ZNF385C: variants seen among roughly 807,000 people sequenced by gnomAD.
The protein encoded by ZNF385C is zinc finger protein 385C, also known as CTD-2132N18.2.
A neutral mutation model predicts 35.4 loss-of-function variants in ZNF385C; 28 were observed. The ratio of observed to expected loss-of-function variants is 0.79; its 90% CI spans 0.59 to 1.08. ZNF385C has a LOEUF of 1.08. Ranked by LOEUF, ZNF385C falls within the 50% of genes least tolerant of loss-of-function variation. ZNF385C has a pLI of 0.00. For synonymous variants in ZNF385C, 248 were observed against 248.2 expected (o/e 1.00, Z 0.01); for missense variants, 605 against 595.6 (o/e 1.02, Z -0.16).
intron 1 of ZNF385C, among the ~76,000 whole-genome samples, chr17:42,073,662 A>C (rs1379026035): frequency 2.0e-5 from 3 of 152,204 alleles, no homozygotes; most frequent in Admixed American, 2.0e-4. Flanking sequence ...ACACAGGGGC[A>C]TGGAGCCAAC....
chr17:42,064,605 G>A (rs570661013), intron 1 of ZNF385C, among the ~76,000 whole-genome samples: 1 of 152,252 alleles, frequency 6.6e-6, no homozygotes, highest in African/African-American at 2.4e-5. Flanking sequence ...TGTCACCCAG[G>A]CTGTAGTGCA....
intron 1 of ZNF385C, among the ~76,000 whole-genome samples, chr17:42,076,962 A>G (rs1249586304): frequency 1.3e-5 from 2 of 151,836 alleles, no homozygotes; most frequent in Non-Finnish European, 2.9e-5. Context: ...TGCCCTCCCC[A>G]CTCCAGAAAA....
intron 3 of ZNF385C, among the ~76,000 whole-genome samples, chr17:42,035,542 CTTTTTTTTTTTTTT>C: frequency 1.9e-5 from 2 of 105,590 alleles, no homozygotes; most frequent in South Asian, 6.2e-4. Flanking sequence ...TGCTGACGAC[CTTTTTTTTTTTTTT>C]TTTTTTTTTT....
Position 42,031,632 on chromosome 17 carries a change from C to G in ZNF385C, c.663G>C (p.Glu221Asp). Reference protein sequence around the residue: ...IPTLASGAPGEPQSKVPAAPP... With the variant: ...IPTLASGAPGDPQSKVPAAPP... Reference sequence around the variant, plus strand: ...CTCAGGACTGACCTTTACTCTGTGGCTCTCCAGGGGCTCCACTGGCCAGCG... The same window carrying G: ...CTCAGGACTGACCTTTACTCTGTGGGTCTCCAGGGGCTCCACTGGCCAGCG... Residue 221 changes from glutamate to aspartate, a missense_variant, in exon 5 of 9, where the codon GAG becomes GAC. Coordinates refer to ENST00000692273, the MANE Select transcript of ZNF385C (RefSeq NM_001392013.1). 1 of 1,550,556 alleles carries G rather than the reference C, an allele frequency of 6.4e-7. No homozygotes were observed. The highest frequency in any genetic ancestry group is 1.2e-5 in the South Asian group (1 of 84,054).
chr17:42,040,867 C>G, intron 2 of ZNF385C: 3 of 1,232,302 alleles, frequency 2.4e-6, no homozygotes, highest in Non-Finnish European at 3.0e-6. Context: ...CAGCAGTGGG[C>G]AAGTGGCCCG....
intron 8 of ZNF385C, 101 bp from the exon 9 acceptor site, chr17:42,027,234 C>T (rs2052605213): frequency 4.5e-6 from 5 of 1,111,584 alleles, no homozygotes; most frequent in Non-Finnish European, 6.7e-6. Flanking sequence ...GAAAGCGTGC[C>T]TTTTAGAGTT....
chr17:42,094,735 G>A (rs1401899463), intron 1 of ZNF385C, among the ~76,000 whole-genome samples: 4 of 152,306 alleles, frequency 2.6e-5, no homozygotes, highest in East Asian at 1.9e-4. Context: ...TGGGAGACGT[G>A]GGGGGAGCCA....
At chr17:42,084,222 A>C (rs1555659966) in intron 1 of ZNF385C, among the ~76,000 whole-genome samples, 1 of 151,526 alleles carries the variant, frequency 6.6e-6, no homozygotes, top group African/African-American at 2.4e-5. Context: ...AGATGCCTGT[A>C]GTCCAACCTA....
intron 1 of ZNF385C, among the ~76,000 whole-genome samples, chr17:42,093,958 C>T (rs1007421844): frequency 7.3e-5 from 11 of 150,420 alleles, no homozygotes; most frequent in East Asian, 2.0e-4. Flanking sequence ...CAGAAGTGAT[C>T]GTGGCCCCCT....
At chr17:42,082,657 G>A (rs940915796) in intron 1 of ZNF385C, among the ~76,000 whole-genome samples, 2 of 152,284 alleles carry the variant, frequency 1.3e-5, no homozygotes, top group Admixed American at 6.5e-5. Flanking sequence ...GTATCAGCCA[G>A]TGTGGCTGTT....
intron 1 of ZNF385C, among the ~76,000 whole-genome samples, chr17:42,072,555 C>T (rs1360851451): frequency 4.6e-5 from 7 of 152,118 alleles, no homozygotes; most frequent in African/African-American, 1.7e-4. Flanking sequence ...CCGGCGCCCG[C>T]GCCTACCTGG....
intron 1 of ZNF385C, among the ~76,000 whole-genome samples, chr17:42,092,679 T>C (rs1026622489): frequency 6.6e-6 from 1 of 152,118 alleles, no homozygotes; most frequent in Non-Finnish European, 1.5e-5. Context: ...GTGTCCCTCT[T>C]TAGGAACCCC....
chr17:42,047,383 C>A (rs749459744), intron 2 of ZNF385C, among the ~76,000 whole-genome samples: 2 of 152,012 alleles, frequency 1.3e-5, no homozygotes. Context: ...CCGTGTTGAC[C>A]AGGCTGATCT....
At chr17:42,041,076 G>T in intron 2 of ZNF385C, 1 of 1,232,390 alleles carries the variant, frequency 8.1e-7, no homozygotes, top group Non-Finnish European at 1.0e-6. Context: ...TGGCAAACAG[G>T]GCCAGGCTGT....
chr17:42,027,871 TG>T, intron 7 of ZNF385C, 143 bp from the exon 8 acceptor site: 1 of 1,202,636 alleles, frequency 8.3e-7, no homozygotes. Flanking sequence ...GGGTAGGCCC[TG>T]GGAAGGGGAG....
At chr17:42,035,541 CCTTTTTTT>C (rs2052834666) in intron 3 of ZNF385C, among the ~76,000 whole-genome samples, 1 of 145,062 alleles carries the variant, frequency 6.9e-6, no homozygotes, top group African/African-American at 2.6e-5. Flanking sequence ...CTGCTGACGA[CCTTTTTTT>C]TTTTTTTTTT....
Position 42,090,436 on chromosome 17 carries a change from G to A in ZNF385C, c.-3+7974C>T, listed in dbSNP as rs1022251841. ...CGAGTAGCTGGGATTACAGGCTTGC[G>A]CCATCACGCACTAATTTTTGTATTT... On this transcript the variant is annotated intron_variant, in intron 1 of 8. Coordinates refer to ENST00000692273, the MANE Select transcript of ZNF385C (RefSeq NM_001392013.1). Among the ~76,000 whole-genome samples the A allele has an allele frequency of 3.3e-5, 5 of 151,538 alleles. No individual in the cohort carries two copies. In the East Asian group the frequency reaches 7.8e-4, roughly 24 times the overall value.
intron 2 of ZNF385C, chr17:42,039,078 C>T: frequency 6.6e-6 from 1 of 152,270 alleles, no homozygotes; most frequent in Non-Finnish European, 1.5e-5. Flanking sequence ...TGGTGAAACC[C>T]TGTCTCTACT....
chr17:42,062,723 A>T, intron 2 of ZNF385C, 84 bp downstream of exon 2: 1 of 451,228 alleles, frequency 2.2e-6, no homozygotes, highest in Non-Finnish European at 3.9e-6. Context: ...GAGGGAGGCC[A>T]CAGACCCAGA....
Sources: allele counts gnomAD v4.1 joint callset (sites outside exome capture counted in the v4.1 genomes callset), GRCh38; gene constraint gnomAD v4.1.1; transcripts MANE v1.5; gene names NCBI Gene and HGNC (gene_info 2026-07-23, HGNC 2026-07-21).